Variants in TMEM131L observed in about 807,000 individuals in gnomAD.
The protein encoded by TMEM131L is transmembrane protein 131-like.
TMEM131L carries 54 observed loss-of-function variants against 192.2 expected under a neutral mutation model. The ratio of observed to expected loss-of-function variants is 0.28; its 90% CI spans 0.23 to 0.35. The LOEUF is 0.35. Among genes scored for constraint, TMEM131L ranks in the 10% least tolerant of loss-of-function variants. The pLI, the probability that TMEM131L is intolerant of heterozygous loss-of-function variation, is 1.00. For missense variants in TMEM131L, 1,888 were observed against 1,972.9 expected (o/e 0.96, Z 0.82); for synonymous variants, 701 against 704.9 (o/e 0.99, Z 0.09).
intron 3 of TMEM131L, among the ~76,000 whole-genome samples, chr4:153,490,475 T>C (rs552864951): frequency 1.3e-5 from 2 of 152,322 alleles, no homozygotes; most frequent in Non-Finnish European, 1.5e-5. Context: ...TCAGGCCTTA[T>C]TTTAATTTGA....
Position 153,512,854 on chromosome 4 carries a change from C to T in TMEM131L, c.240-37219C>T, listed in dbSNP as rs1434059464. Among the ~76,000 whole-genome samples, 3 of 152,116 alleles carry T rather than the reference C, an allele frequency of 2.0e-5. No individual in the cohort carries two copies. In the East Asian group the frequency reaches 5.8e-4, roughly 29 times the overall value. On this transcript the variant is annotated intron_variant, in intron 3 of 34. Coordinates refer to ENST00000409959, the MANE Select transcript of TMEM131L (RefSeq NM_001131007.2). ...GTCTCGATCTCTTGACCTCGTGATC[C>T]GCCGACCTCAGCCTCCCAAAGTACT...
chr4:153,535,715 T>A (rs1032004407), intron 3 of TMEM131L, among the ~76,000 whole-genome samples: 4 of 152,226 alleles, frequency 2.6e-5, no homozygotes, highest in African/African-American at 9.6e-5. Flanking sequence ...CACATCGTTC[T>A]GAACATCTTT....
chr4:153,545,701 T>G (rs1580182239), intron 3 of TMEM131L, among the ~76,000 whole-genome samples: 1 of 152,018 alleles, frequency 6.6e-6, no homozygotes, highest in Non-Finnish European at 1.5e-5. Context: ...TAGGCAAAGA[T>G]CAATGTTTTT....
chr4:153,579,422 A>T (rs994639686), intron 7 of TMEM131L, among the ~76,000 whole-genome samples: 8 of 152,200 alleles, frequency 5.3e-5, no homozygotes, highest in African/African-American at 1.7e-4. Flanking sequence ...ATGAACAATG[A>T]TTTCTTTAAA....
intron 23 of TMEM131L, 52 bp from the exon 24 acceptor site, chr4:153,603,251 T>G (rs1218690767): frequency 6.7e-7 from 1 of 1,490,840 alleles, no homozygotes; most frequent in Non-Finnish European, 9.0e-7. Context: ...ACTAGTCTTT[T>G]GAATGCCAGT....
intron 6 of TMEM131L, among the ~76,000 whole-genome samples, chr4:153,557,644 A>T (rs1328411128): frequency 6.6e-6 from 1 of 152,210 alleles, no homozygotes; most frequent in African/African-American, 2.4e-5. Flanking sequence ...AAGATCTGGC[A>T]TCAAGTAATT....
chr4:153,569,672 T>C (rs1476742725), intron 7 of TMEM131L, among the ~76,000 whole-genome samples: 1 of 152,218 alleles, frequency 6.6e-6, no homozygotes, highest in African/African-American at 2.4e-5. Context: ...TGTAGCCAAG[T>C]TACCTAATCT....
At chr4:153,552,447 G>T (rs1737698177) in intron 4 of TMEM131L, among the ~76,000 whole-genome samples, 1 of 152,130 alleles carries the variant, frequency 6.6e-6, no homozygotes, top group Non-Finnish European at 1.5e-5. Context: ...ATCCACATGG[G>T]ATTGGATCCA....
intron 8 of TMEM131L, 84 bp downstream of exon 8, chr4:153,580,987 C>T (rs939376313): frequency 1.0e-6 from 1 of 966,070 alleles, no homozygotes; most frequent in African/African-American, 1.7e-5. Flanking sequence ...GGCGCTGTGG[C>T]TCATGCCTGT....
chr4:153,625,808 T>C (rs1733802236), intron 29 of TMEM131L, among the ~76,000 whole-genome samples: 1 of 152,014 alleles, frequency 6.6e-6, no homozygotes, highest in African/African-American at 2.4e-5. Context: ...CTTGGGAGGC[T>C]GAGGCAGGAG....
At position 153,555,542 on chromosome 4, in the gene TMEM131L, A is replaced by G. The variant is rs1033700253; in HGVS notation, c.309-245A>G. 2.6e-5 allele frequency among the ~76,000 whole-genome samples: 4 copies of G among 152,214 alleles called. No individual in the cohort carries two copies. The highest frequency in any genetic ancestry group is 7.2e-5 in the African/African-American group (3 of 41,452). On this transcript the variant is annotated intron_variant, in intron 4 of 34. Coordinates refer to ENST00000409959, the MANE Select transcript of TMEM131L (RefSeq NM_001131007.2). The surrounding 1 kb of genome is among the most constrained non-coding windows in gnomAD (Gnocchi z 4.1). ...TTAAATTTTTCTAACACTGAAACCA[A>G]TGGAGTGCTACTGTGGGTTGGCCTA...
chr4:153,572,881 C>T (rs190821026), intron 7 of TMEM131L, among the ~76,000 whole-genome samples: 132 of 152,314 alleles, frequency 8.7e-4, no homozygotes, highest in African/African-American at 3.0e-3. Context: ...CATTATTCTC[C>T]CTGGCAACCA....
At chr4:153,514,999 C>T (rs1239069149) in intron 3 of TMEM131L, among the ~76,000 whole-genome samples, 1 of 151,924 alleles carries the variant, frequency 6.6e-6, no homozygotes. Flanking sequence ...TTAGTAGAGA[C>T]AGGGGTCTCC....
At chr4:153,576,239 C>T (rs562136507) in intron 7 of TMEM131L, among the ~76,000 whole-genome samples, 6 of 152,252 alleles carry the variant, frequency 3.9e-5, no homozygotes, top group East Asian at 1.9e-4. Context: ...GGATTACAGG[C>T]GTTGGCCACC....
At position 153,493,345 on chromosome 4, in the gene TMEM131L, C is replaced by CAA. The variant is rs35052272; in HGVS notation, c.239+19478_239+19479dup. Among the ~76,000 whole-genome samples the CAA allele has an allele frequency of 8.2e-4, 60 of 72,786 alleles. 1 individual carries two copies. The highest frequency in any genetic ancestry group is 1.1e-3 in the African/African-American group (16 of 15,086). The allele number at this position is 72,786 out of a possible 152,430, so 47.8% of individuals were successfully genotyped here. The stretch of plus-strand genomic sequence containing the variant: ...TGGGTGACAGAGTGAGACTCTGTCT[C>CAA]AAAAAAAAAAAAAAAAAAAAAAGAT... On this transcript the variant is annotated intron_variant, in intron 3 of 34. Transcript: ENST00000409959.
Position 153,581,402 on chromosome 4 carries a change from C to A in TMEM131L, c.739-5C>A. The A allele has an allele frequency of 2.0e-6, 3 of 1,535,100 alleles. No homozygotes were observed. Among genetic ancestry groups the A allele is most frequent in the South Asian group, 2.5e-5 (2 of 79,770 alleles). On this transcript the variant is annotated splice_region_variant and splice_polypyrimidine_tract_variant and intron_variant, in intron 8 of 34. Coordinates refer to ENST00000409959, the MANE Select transcript of TMEM131L (RefSeq NM_001131007.2). ...TTCCTTTTTTCCTCCTCCTTCCAAC[C>A]ATAGGGTTGTTATCTGGAATCTGAT...
chr4:153,626,346 C>A, intron 30 of TMEM131L, 121 bp downstream of exon 30: 1 of 638,696 alleles, frequency 1.6e-6, no homozygotes, highest in Admixed American at 3.2e-5. Context: ...TTTAAAGATG[C>A]AGGAAAGTAA....
chr4:153,549,981 C>T (rs1737482094), intron 3 of TMEM131L, 92 bp from the exon 4 acceptor site: 2 of 534,316 alleles, frequency 3.7e-6, no homozygotes, highest in African/African-American at 2.0e-5. Flanking sequence ...AATTATATGT[C>T]ATGCATTGAG....
rs1731829212 is a variant in TMEM131L, at chr4:153,601,402, C to T, written c.2267-750C>T. On this transcript the variant is annotated intron_variant, in intron 21 of 34. Transcript: ENST00000409959. ...ATTACCTGGCTGTGGTGGAGTGTGC[C>T]TGTAGTCCTAGCTACTTGGGAGGCT... is the stretch of plus-strand genomic sequence containing the variant. Among the ~76,000 whole-genome samples the T allele has an allele frequency of 2.0e-5, 3 of 151,978 alleles. No individual in the cohort carries two copies. In the South Asian group the frequency reaches 6.2e-4, roughly 31 times the overall value.
Sources: allele counts gnomAD v4.1 joint callset (sites outside exome capture counted in the v4.1 genomes callset), GRCh38; gene constraint gnomAD v4.1.1; non-coding constraint Gnocchi (gnomAD v3.1); transcripts MANE v1.5; gene names NCBI Gene and HGNC (gene_info 2026-07-23, HGNC 2026-07-21).